Variants in SLU7 observed in about 807,000 individuals in gnomAD.
SLU7 encodes spliceosome associated SLU7.
A neutral mutation model predicts 87.0 loss-of-function variants in SLU7; 60 were observed. The observed-to-expected ratio is 0.69, with a 90% confidence interval of 0.56 to 0.86. The LOEUF (loss-of-function observed/expected upper bound fraction) is 0.86. Ranked by LOEUF, SLU7 falls within the 40% of genes least tolerant of loss-of-function variation. SLU7 has a pLI of 0.00. For synonymous variants in SLU7, 197 were observed against 222.0 expected (o/e 0.89, Z 1.00); for missense variants, 507 against 686.6 (o/e 0.74, Z 2.92).
chr5:160,412,368 C>T (rs1201482748), intron 6 of SLU7, 83 bp downstream of exon 6: 2 of 838,552 alleles, frequency 2.4e-6, no homozygotes, highest in Non-Finnish European at 4.0e-6. Context: ...AACTGAAGAG[C>T]TATAAAATGA....
rs761311152 is a variant in SLU7, at chr5:160,408,633, C to T, written c.687+17G>A. On this transcript the variant is annotated intron_variant, in intron 7 of 15. Transcript: ENST00000297151. ...TAAAAATTTAACATATACTCAGAGA[C>T]AGCAAATATGTATTACCATCTGAGA... is the stretch of plus-strand genomic sequence containing the variant. The T allele has an allele frequency of 3.3e-6, 5 of 1,508,894 alleles. No homozygotes were observed. The African/African-American group carries it at 4.1e-5, about 12-fold the overall frequency. The allele number at this position is 1,508,894 out of a possible 1,614,324, so 93.5% of individuals were successfully genotyped here. A position where few individuals can be genotyped will look rare whatever the true frequency, so the allele number is the denominator to read the frequency against.
Position 160,403,255 on chromosome 5 carries a change from A to T in SLU7, c.*30T>A. ...AAGCTGAAAAGAATGTATCAGCTGC[A>T]TCTATCTTGGATGGTCTTCTGACTA... On this transcript the variant is annotated 3_prime_UTR_variant, in exon 16 of 16. Transcript: ENST00000297151. 6.7e-7 allele frequency: 1 copy of T among 1,493,580 alleles called. No homozygotes were observed. The highest frequency in any genetic ancestry group is 2.4e-5 in the East Asian group (1 of 41,542). The allele number at this position is 1,493,580 out of a possible 1,614,324, so 92.5% of individuals were successfully genotyped here. A position where few individuals can be genotyped will look rare whatever the true frequency, so the allele number is the denominator to read the frequency against.
intron 5 of SLU7, among the ~76,000 whole-genome samples, chr5:160,412,773 T>C (rs376800951): frequency 1.3e-5 from 2 of 152,050 alleles, no homozygotes; most frequent in East Asian, 1.9e-4. Flanking sequence ...ATGGCATCAG[T>C]AGTAAATTGC....
chr5:160,416,116 A>G (rs1765445908), intron 1 of SLU7, among the ~76,000 whole-genome samples: 1 of 151,118 alleles, frequency 6.6e-6, no homozygotes, highest in African/African-American at 2.4e-5. Flanking sequence ...CTGCTCTCAA[A>G]CTCCTGACCC....
Position 160,414,290 on chromosome 5 carries a change from A to T in SLU7, c.324+29T>A. ...TTAAGTTCTTAAACTCTCCATATCCATGAAGATGTATACAGGTTGCCTACA... is the reference window on the plus strand; with the variant it reads ...TTAAGTTCTTAAACTCTCCATATCCTTGAAGATGTATACAGGTTGCCTACA... On this transcript the variant is annotated intron_variant, in intron 3 of 15. Coordinates refer to ENST00000297151, the MANE Select transcript of SLU7 (RefSeq NM_006425.5). 2.6e-6 allele frequency: 4 copies of T among 1,529,610 alleles called. No homozygotes were observed. In the Middle Eastern group the frequency reaches 7.0e-4, roughly 267 times the overall value. The allele number at this position is 1,529,610 out of a possible 1,614,324, so 94.8% of individuals were successfully genotyped here. A position where few individuals can be genotyped will look rare whatever the true frequency, so the allele number is the denominator to read the frequency against.
intron 6 of SLU7, among the ~76,000 whole-genome samples, chr5:160,411,488 G>C (rs1161054697): frequency 1.3e-5 from 2 of 152,150 alleles, no homozygotes; most frequent in Non-Finnish European, 2.9e-5. Context: ...CAAAGTGCTG[G>C]GATTACAGGT....
Position 160,407,474 on chromosome 5 carries a change from A to AC in SLU7, c.1125+1dup. 1 of 1,602,688 alleles carries AC rather than the reference A, an allele frequency of 6.2e-7. No homozygotes were observed. Among genetic ancestry groups the AC allele is most frequent in the Non-Finnish European group, 8.5e-7 (1 of 1,176,772 alleles). On this transcript the variant is annotated splice_donor_variant, in intron 11 of 15. Transcript: ENST00000297151. LOFTEE classifies it high-confidence loss of function. The surrounding 1 kb of genome is among the most constrained non-coding windows in gnomAD (Gnocchi z 4.2). ...CTTCTTTAGCATTTTGGTCAAAATT[A>AC]CCTTTTCCAGGATGCTTTCTTTCTG...
chr5:160,413,589 C>T lies in SLU7; in HGVS notation c.437G>A (p.Gly146Asp). 6.2e-7 allele frequency: 1 copy of T among 1,613,018 alleles called. No individual in the cohort carries two copies. The highest frequency in any genetic ancestry group is 8.5e-7 in the Non-Finnish European group (1 of 1,179,690). ...RPRRVGAKFT[G>D]TNIAPDEHVQ... ...ATGTTCATCTGGAGCTATATTAGTA[C>T]CTGTAAATTTGGCTCCAACTCGCCT... Residue 146 changes from glycine to aspartate, a missense_variant, in exon 5 of 16, where the codon GGT (glycine) becomes GAT (aspartate). Around this residue, in one of 6 missense-constraint regions of SLU7, gnomAD observed 155 missense variants for 154.4 expected, o/e 1.00. Transcript: ENST00000297151.
chr5:160,417,611 A>G (rs1206879679), intron 1 of SLU7, among the ~76,000 whole-genome samples: 1 of 152,144 alleles, frequency 6.6e-6, no homozygotes, highest in Non-Finnish European at 1.5e-5. Flanking sequence ...AACCTGGCGA[A>G]ACCCCGTCGC....
At chr5:160,414,601 G>A in intron 2 of SLU7, 129 bp from the exon 3 acceptor site, 1 of 502,720 alleles carries the variant, frequency 2.0e-6, no homozygotes, top group East Asian at 3.2e-5. Context: ...AAGAGAACAA[G>A]GTTGCTATCT....
Position 160,407,953 on chromosome 5 carries a change from A to C in SLU7, c.917+18T>G. The C allele has an allele frequency of 1.3e-6, 2 of 1,564,978 alleles. No individual in the cohort carries two copies. Among genetic ancestry groups the C allele is most frequent in the South Asian group, 2.2e-5 (2 of 89,846 alleles). ...CTTTCTCTCATCTTAAAATCTGTAC[A>C]TTTAACTTGATACTTACTCATCTGG... On this transcript the variant is annotated intron_variant, in intron 9 of 15. Coordinates refer to ENST00000297151, the MANE Select transcript of SLU7 (RefSeq NM_006425.5). The surrounding 1 kb of genome is among the most constrained non-coding windows in gnomAD (Gnocchi z 4.2).
chr5:160,412,233 TTG>T (rs1236679008), intron 6 of SLU7, among the ~76,000 whole-genome samples: 2 of 152,172 alleles, frequency 1.3e-5, no homozygotes, highest in Non-Finnish European at 2.9e-5. Context: ...AAGTAAATGT[TTG>T]TGTGTGTCTA....
At position 160,413,893 on chromosome 5, in the gene SLU7, A is replaced by G. The variant is rs1190739301; in HGVS notation, c.405+6T>C. On this transcript the variant is annotated splice_donor_region_variant and intron_variant, in intron 4 of 15. Transcript: ENST00000297151. ...CGGTTTTCAAAATTTTCAAAGGTGA[A>G]CTTACCTCAAAGCAGTCTTTCTTTT... 5 of 1,579,898 alleles carry G rather than the reference A, an allele frequency of 3.2e-6. No individual in the cohort carries two copies. In the African/African-American group the frequency reaches 4.1e-5, roughly 13 times the overall value.
At chr5:160,408,226 A>T in intron 8 of SLU7, 103 bp downstream of exon 8, 1 of 1,316,516 alleles carries the variant, frequency 7.6e-7, no homozygotes, top group Non-Finnish European at 1.1e-6. Context: ...CTTATCTTAG[A>T]ATGACTCTGA....
chr5:160,408,940 C>T (rs1445316845), intron 6 of SLU7, among the ~76,000 whole-genome samples: 1 of 149,788 alleles, frequency 6.7e-6, no homozygotes, highest in Non-Finnish European at 1.5e-5. Context: ...CAAACTCTCA[C>T]ACTTCTCAGT....
chr5:160,404,648 C>T, intron 14 of SLU7, 92 bp from the exon 15 acceptor site: 2 of 978,424 alleles, frequency 2.0e-6, no homozygotes, highest in Non-Finnish European at 3.1e-6. Flanking sequence ...ATCACTTGAA[C>T]CCAGGAGGCG....
chr5:160,418,749 G>C (rs998137882), intron 1 of SLU7: 4 of 152,216 alleles, frequency 2.6e-5, no homozygotes, highest in African/African-American at 7.2e-5. Flanking sequence ...TCGCAGTCCG[G>C]GGATTGCTCA....
At chr5:160,408,972 G>C (rs931577119) in intron 6 of SLU7, among the ~76,000 whole-genome samples, 1 of 150,720 alleles carries the variant, frequency 6.6e-6, no homozygotes, top group South Asian at 2.1e-4. Flanking sequence ...CAAAAATTCT[G>C]AATACAAGAG....
At chr5:160,414,258 T>C in intron 3 of SLU7, 61 bp downstream of exon 3, 1 of 1,341,308 alleles carries the variant, frequency 7.5e-7, no homozygotes, top group Non-Finnish European at 1.0e-6. Context: ...CATTAAAAAT[T>C]CTTACATTAA....
Sources: allele counts gnomAD v4.1 joint callset (sites outside exome capture counted in the v4.1 genomes callset), GRCh38; gene constraint gnomAD v4.1.1; regional missense constraint gnomAD v4.1.1; non-coding constraint Gnocchi (gnomAD v3.1); transcripts MANE v1.5; gene names NCBI Gene and HGNC (gene_info 2026-07-23, HGNC 2026-07-21).